NEBL: variants seen among roughly 807,000 people sequenced by gnomAD.
NEBL encodes nebulette.
NEBL carries 122 observed loss-of-function variants against 140.2 expected under a neutral mutation model. That is an observed-to-expected ratio of 0.87 (90% confidence interval 0.75 to 1.01). The LOEUF (loss-of-function observed/expected upper bound fraction) is 1.01. Among genes scored for constraint, NEBL ranks in the 50% least tolerant of loss-of-function variants. The pLI is 0.00. For synonymous variants in NEBL, 436 were observed against 398.9 expected (o/e 1.09, Z -1.11); for missense variants, 1,365 against 1,231.3 (o/e 1.11, Z -1.62).
intron 4 of NEBL, among the ~76,000 whole-genome samples, chr10:20,905,023 T>C (rs1310872212): frequency 6.6e-6 from 1 of 152,244 alleles, no homozygotes; most frequent in African/African-American, 2.4e-5. Flanking sequence ...GTTTTTGTCA[T>C]GTTTCTAGGA....
At chr10:20,842,296 T>A (rs184895390) in intron 12 of NEBL, among the ~76,000 whole-genome samples, 64 of 152,242 alleles carry the variant, frequency 4.2e-4, no homozygotes, top group Middle Eastern at 3.4e-3. Flanking sequence ...GGTGTGACCT[T>A]CGGGAGTACT....
At chr10:20,996,288 T>A (rs1837662738) in intron 3 of NEBL, among the ~76,000 whole-genome samples, 1 of 152,222 alleles carries the variant, frequency 6.6e-6, no homozygotes, top group African/African-American at 2.4e-5. Flanking sequence ...GGATATGATT[T>A]CCAGAATGCT....
At chr10:21,082,535 T>TAAAAAAAAAAAAAAAAAAAAAAAAAAA (rs61234594) in intron 2 of NEBL, among the ~76,000 whole-genome samples, 7 of 117,290 alleles carry the variant, frequency 6.0e-5, no homozygotes, top group African/African-American at 2.4e-4. Context: ...CCACCACCAC[T>TAAAAAAAAAAAAAAAAAAAAAAAAAAA]AAAAAAAAAA....
At chr10:21,125,203 CGCACACACAT>C (rs1838764950) in intron 2 of NEBL, among the ~76,000 whole-genome samples, 1 of 150,968 alleles carries the variant, frequency 6.6e-6, no homozygotes, top group South Asian at 2.1e-4. Flanking sequence ...GGCACACACA[CGCACACACAT>C]GCACACATGC....
intron 20 of NEBL, chr10:20,819,006 ACT>A: frequency 1.0e-6 from 1 of 982,996 alleles, no homozygotes; most frequent in African/African-American, 1.7e-5. Context: ...GTACATATTC[ACT>A]TTTTCATGTT....
intron 3 of NEBL, among the ~76,000 whole-genome samples, chr10:21,216,977 G>C (rs1260422178): frequency 6.9e-6 from 1 of 145,496 alleles, no homozygotes; most frequent in Non-Finnish European, 1.5e-5. Flanking sequence ...GACAGAGCAA[G>C]ACTCAGTCTC....
At chr10:21,015,647 G>C (rs1838525730) in intron 3 of NEBL, among the ~76,000 whole-genome samples, 1 of 152,128 alleles carries the variant, frequency 6.6e-6, no homozygotes, top group East Asian at 1.9e-4. Context: ...GAGTAGCTGA[G>C]ACTACAGGTA....
chr10:20,922,327 C>T lies in NEBL; in HGVS notation c.357+39345G>A, dbSNP rs1325823708. ...CATGGCTGTTGTGAGGCTCTGAATGCACTAAGTGCTTCAGAAACATTAAAA... is the reference window on the plus strand; with the variant it reads ...CATGGCTGTTGTGAGGCTCTGAATGTACTAAGTGCTTCAGAAACATTAAAA... On this transcript the variant is annotated intron_variant, in intron 4 of 6. Coordinates refer to the NEBL transcript ENST00000417816. Among the ~76,000 whole-genome samples the T allele has an allele frequency of 3.3e-5, 5 of 152,206 alleles. No individual in the cohort carries two copies. In the East Asian group the frequency reaches 7.7e-4, roughly 23 times the overall value.
chr10:20,944,880 C>T (rs1287899956), intron 4 of NEBL, among the ~76,000 whole-genome samples: 2 of 152,044 alleles, frequency 1.3e-5, no homozygotes, highest in East Asian at 1.9e-4. Context: ...TAATCATACC[C>T]GGCTCAACAG....
At chr10:21,172,738 C>A (rs1841136338) in intron 1 of NEBL, among the ~76,000 whole-genome samples, 1 of 152,148 alleles carries the variant, frequency 6.6e-6, no homozygotes, top group African/African-American at 2.4e-5. Flanking sequence ...TCTGTCGAAA[C>A]AGCACTTCTT....
intron 3 of NEBL, among the ~76,000 whole-genome samples, chr10:21,243,330 A>G (rs1842466585): frequency 7.4e-6 from 1 of 134,822 alleles, no homozygotes; most frequent in African/African-American, 2.8e-5. Context: ...GAGTCAGGGT[A>G]CGGTTGCATG....
At chr10:20,934,188 G>T (rs1325740162) in intron 4 of NEBL, among the ~76,000 whole-genome samples, 2 of 152,154 alleles carry the variant, frequency 1.3e-5, no homozygotes, top group Non-Finnish European at 2.9e-5. Context: ...AAAACAAAAG[G>T]CAAAGAAGAT....
intron 3 of NEBL, among the ~76,000 whole-genome samples, chr10:21,227,791 T>TTTCTTCTTCTTC (rs148503650): frequency 4.8e-5 from 7 of 146,568 alleles, no homozygotes; most frequent in African/African-American, 1.8e-4. Context: ...CTTTCTCTTC[T>TTTCTTCTTCTTC]TTCTTCTTCT....
intron 2 of NEBL, among the ~76,000 whole-genome samples, chr10:21,115,604 G>A (rs1838248212): frequency 6.6e-6 from 1 of 152,012 alleles, no homozygotes. Context: ...TTCCAACAAG[G>A]AGTTCGCTCA....
At chr10:21,063,039 G>A (rs1835371188) in intron 2 of NEBL, among the ~76,000 whole-genome samples, 1 of 152,148 alleles carries the variant, frequency 6.6e-6, no homozygotes, top group Non-Finnish European at 1.5e-5. Context: ...AATAAAGGTT[G>A]CAGGGGTTGG....
At chr10:21,041,109 G>T (rs868656683) in intron 2 of NEBL, among the ~76,000 whole-genome samples, 1 of 152,114 alleles carries the variant, frequency 6.6e-6, no homozygotes, top group African/African-American at 2.4e-5. Context: ...TTGTTACATG[G>T]GTAGACTGTA....
chr10:20,803,812 A>AAAAT (rs1554773359), intron 26 of NEBL, among the ~76,000 whole-genome samples: 92 of 143,578 alleles, frequency 6.4e-4, no homozygotes, highest in Admixed American at 2.7e-3. Flanking sequence ...CTGTACGAAA[A>AAAAT]ATATATATAT....
chr10:20,835,639 T>G lies in NEBL; in HGVS notation c.1339-16A>C. On this transcript the variant is annotated splice_polypyrimidine_tract_variant and intron_variant, in intron 13 of 27. Coordinates refer to ENST00000377122, the MANE Select transcript of NEBL (RefSeq NM_006393.3). The stretch of plus-strand genomic sequence containing the variant: ...TGTATTCTTTCTGCAAAAGACAACA[T>G]TTTACAACATTCAAACACTCAGTGG... 1 of 1,539,762 alleles carries G rather than the reference T, an allele frequency of 6.5e-7. No homozygotes were observed.
chr10:20,829,335 A>T (rs558055587), intron 16 of NEBL, among the ~76,000 whole-genome samples: 1 of 151,970 alleles, frequency 6.6e-6, no homozygotes, highest in East Asian at 1.9e-4. Flanking sequence ...CTATTGCAAG[A>T]ACAAAAAACC....
Sources: allele counts gnomAD v4.1 joint callset (sites outside exome capture counted in the v4.1 genomes callset), GRCh38; gene constraint gnomAD v4.1.1; transcripts MANE v1.5; gene names NCBI Gene and HGNC (gene_info 2026-07-23, HGNC 2026-07-21).